HIPK2: variants seen among roughly 807,000 people sequenced by gnomAD.
HIPK2 encodes the protein homeodomain-interacting protein kinase 2.
HIPK2 carries 27 observed loss-of-function variants against 113.7 expected under a neutral mutation model. The observed-to-expected ratio is 0.24, with a 90% confidence interval of 0.17 to 0.33. The LOEUF (loss-of-function observed/expected upper bound fraction) is 0.33. HIPK2 is among the 10% of genes least tolerant of loss of function. The pLI is 1.00. For synonymous variants in HIPK2, 631 were observed against 642.2 expected, an observed-to-expected ratio of 0.98 and a Z score of 0.26; for missense variants, 1,257 against 1,588.0, an observed-to-expected ratio of 0.79 and a Z score of 3.54.
At chr7:139,729,203 T>C (rs185847341) in intron 1 of HIPK2, among the ~76,000 whole-genome samples, 271 of 152,134 alleles carry the variant, frequency 1.8e-3, no homozygotes, top group African/African-American at 6.1e-3. Flanking sequence ...TGCACACCCA[T>C]AGTCCCAGCT....
At chr7:139,614,934 T>C (rs1313095203) in intron 7 of HIPK2, among the ~76,000 whole-genome samples, 1 of 152,212 alleles carries the variant, frequency 6.6e-6, no homozygotes, top group African/African-American at 2.4e-5. Flanking sequence ...TGCTGACACA[T>C]GGTGACAGGG....
chr7:139,564,782 T>C lies in HIPK2; in HGVS notation c.*8145A>G, dbSNP rs1296024966. 1 of 152,252 alleles carries C rather than the reference T, an allele frequency of 6.6e-6. No homozygotes were observed. The highest frequency in any genetic ancestry group is 1.5e-5 in the Non-Finnish European group (1 of 68,040). The allele number at this position is 152,252 out of a possible 1,614,324, so 9.4% of individuals were successfully genotyped here. ...TGTAAACTATAAAACACTTTAACTA[T>C]AAAACGTAGCCAGAAATATGCTTAA... On this transcript the variant is annotated 3_prime_UTR_variant, in exon 15 of 15. Transcript: ENST00000406875.
Position 139,683,958 on chromosome 7 carries a change from T to C in HIPK2, c.1103+31974A>G, listed in dbSNP as rs1794140644. 7.0e-6 allele frequency among the ~76,000 whole-genome samples: 1 copy of C among 142,452 alleles called. No homozygotes were observed. 93.5% of individuals were successfully genotyped at this position (142,452 alleles called of 152,430 possible). A position where few individuals can be genotyped will look rare whatever the true frequency, so the allele number is the denominator to read the frequency against. On this transcript the variant is annotated intron_variant, in intron 2 of 14. Transcript: ENST00000406875. This position sits in a 1 kb window ranked among gnomAD's most constrained non-coding sequence, Gnocchi z 4.2. ...TGACTGAGCTTTGCAGATACCATGATTTTTTTTTTTTACACAAATTGAAGG... is the reference window on the plus strand; with the variant it reads ...TGACTGAGCTTTGCAGATACCATGACTTTTTTTTTTTACACAAATTGAAGG...
chr7:139,599,278 T>C (rs1257921873), intron 11 of HIPK2, among the ~76,000 whole-genome samples: 1 of 152,228 alleles, frequency 6.6e-6, no homozygotes. Flanking sequence ...ATAACTGACA[T>C]ATAGCAACAT....
At chr7:139,651,672 G>A (rs562897927) in intron 2 of HIPK2, among the ~76,000 whole-genome samples, 28 of 152,286 alleles carry the variant, frequency 1.8e-4, no homozygotes, top group African/African-American at 6.3e-4. Flanking sequence ...GCTCTATAGC[G>A]GGGGCACTGT....
intron 2 of HIPK2, among the ~76,000 whole-genome samples, chr7:139,648,950 C>T (rs545377468): frequency 6.0e-4 from 91 of 152,066 alleles, no homozygotes; most frequent in African/African-American, 2.0e-3. Context: ...AAACCCCAAA[C>T]GGAAGAACAG....
chr7:139,708,510 C>T (rs1420870030), intron 2 of HIPK2, among the ~76,000 whole-genome samples: 3 of 152,174 alleles, frequency 2.0e-5, no homozygotes, highest in African/African-American at 7.2e-5. Flanking sequence ...TCCTTAGATC[C>T]CACTTGGAAA....
chr7:139,694,758 T>C (rs1027200333), intron 2 of HIPK2, among the ~76,000 whole-genome samples: 23 of 152,110 alleles, frequency 1.5e-4, no homozygotes, highest in African/African-American at 4.6e-4. Flanking sequence ...AGGTGGAGGA[T>C]GAGGGCTGGA....
At chr7:139,769,157 T>C (rs1796605393) in intron 1 of HIPK2, among the ~76,000 whole-genome samples, 1 of 152,092 alleles carries the variant, frequency 6.6e-6, no homozygotes, top group African/African-American at 2.4e-5. Context: ...AAACCAACAT[T>C]TATTGAACCT....
chr7:139,728,731 A>C (rs1257949630), intron 1 of HIPK2, among the ~76,000 whole-genome samples: 1 of 152,246 alleles, frequency 6.6e-6, no homozygotes, highest in Non-Finnish European at 1.5e-5. Context: ...GGAAACCAAA[A>C]GCATTTTACT....
At chr7:139,720,418 G>A (rs935618304) in intron 1 of HIPK2, among the ~76,000 whole-genome samples, 1 of 152,094 alleles carries the variant, frequency 6.6e-6, no homozygotes, top group African/African-American at 2.4e-5. Context: ...CCTGAGCTCC[G>A]ACCTCCATCT....
chr7:139,620,250 C>T, intron 7 of HIPK2, 151 bp downstream of exon 7: 1 of 1,182,004 alleles, frequency 8.5e-7, no homozygotes, highest in South Asian at 1.6e-5. Flanking sequence ...CTGGGTCCCT[C>T]AAAGGAAATA....
chr7:139,668,478 C>T lies in HIPK2; in HGVS notation c.1104-36753G>A, dbSNP rs185716150. Among the ~76,000 whole-genome samples, 296 of 150,736 alleles carry T rather than the reference C, an allele frequency of 2.0e-3. 1 individual carries two copies. The highest frequency in any genetic ancestry group is 4.7e-3 in the Admixed American group (70 of 15,052). On this transcript the variant is annotated intron_variant, in intron 2 of 14. Coordinates refer to ENST00000406875, the MANE Select transcript of HIPK2 (RefSeq NM_022740.5). Reference sequence around the variant, plus strand: ...TCGGGAGGCTGAGGCAGGAGAATGGCGTGAACCCGGGAGGCAGAGCTTGCA... The same window carrying T: ...TCGGGAGGCTGAGGCAGGAGAATGGTGTGAACCCGGGAGGCAGAGCTTGCA...
At chr7:139,654,893 T>C (rs1202279244) in intron 2 of HIPK2, among the ~76,000 whole-genome samples, 2 of 152,142 alleles carry the variant, frequency 1.3e-5, no homozygotes, top group Non-Finnish European at 2.9e-5. Context: ...ATAAGTTAAA[T>C]AAAAGCTGTT....
intron 2 of HIPK2, among the ~76,000 whole-genome samples, chr7:139,664,940 C>A (rs1801995364): frequency 6.6e-6 from 1 of 152,186 alleles, no homozygotes; most frequent in African/African-American, 2.4e-5. Context: ...CTTCCTCTGA[C>A]CTTAATACAG....
intron 6 of HIPK2, among the ~76,000 whole-genome samples, chr7:139,626,082 C>A (rs1373578607): frequency 6.6e-6 from 1 of 151,658 alleles, no homozygotes; most frequent in East Asian, 1.9e-4. Flanking sequence ...CCAGCCACTG[C>A]CCACTTTCTT....
At chr7:139,641,368 CAA>C (rs1404225110) in intron 2 of HIPK2, among the ~76,000 whole-genome samples, 24 of 88,196 alleles carry the variant, frequency 2.7e-4, no homozygotes, top group Non-Finnish European at 3.0e-4. Context: ...GACTCAGTCT[CAA>C]AAAAAAAAAA....
intron 2 of HIPK2, among the ~76,000 whole-genome samples, chr7:139,657,697 T>C (rs1177224745): frequency 6.6e-6 from 1 of 152,126 alleles, no homozygotes; most frequent in African/African-American, 2.4e-5. Context: ...ACTGTAAGAG[T>C]CATGCCAGGC....
chr7:139,582,359 C>T (rs926537136), intron 13 of HIPK2, among the ~76,000 whole-genome samples: 6 of 152,238 alleles, frequency 3.9e-5, no homozygotes, highest in Non-Finnish European at 8.8e-5. Context: ...GTAAGGTCTC[C>T]TTCTTCCGAG....
Sources: allele counts gnomAD v4.1 joint callset (sites outside exome capture counted in the v4.1 genomes callset), GRCh38; gene constraint gnomAD v4.1.1; non-coding constraint Gnocchi (gnomAD v3.1); transcripts MANE v1.5; gene names NCBI Gene and HGNC (gene_info 2026-07-23, HGNC 2026-07-21).